NCOA2: variants seen among roughly 807,000 people sequenced by gnomAD.
NCOA2 encodes nuclear receptor coactivator 2.
A neutral mutation model predicts 145.1 loss-of-function variants in NCOA2; 21 were observed. That is an observed-to-expected ratio of 0.14 (90% CI 0.10 to 0.21). The LOEUF (loss-of-function observed/expected upper bound fraction) is 0.21, where lower values mean the gene tolerates loss of function less well. Among genes scored for constraint, NCOA2 ranks in the 10% least tolerant of loss-of-function variants. The pLI, the probability that NCOA2 is intolerant of heterozygous loss-of-function variation, is 1.00. For missense variants in NCOA2, 1,472 were observed against 1,837.6 expected, an observed-to-expected ratio of 0.80 and a Z score of 3.64; for synonymous variants, 619 against 637.5, an observed-to-expected ratio of 0.97 and a Z score of 0.44.
intron 1 of NCOA2, among the ~76,000 whole-genome samples, chr8:70,322,532 C>G (rs1269493760): frequency 6.6e-6 from 1 of 152,120 alleles, no homozygotes; most frequent in African/African-American, 2.4e-5. Flanking sequence ...ACAGTTCTTC[C>G]TCCAGTACCC....
chr8:70,411,230 T>C, the NCOA2 span, among the ~76,000 whole-genome samples: 2 of 152,156 alleles, frequency 1.3e-5, no homozygotes, highest in South Asian at 2.1e-4. Context: ...GCAAATAGTA[T>C]GCCCAGTATT....
At chr8:70,429,574 GT>G in the NCOA2 span, among the ~76,000 whole-genome samples, 2 of 152,122 alleles carry the variant, frequency 1.3e-5, no homozygotes, top group Non-Finnish European at 2.9e-5. Flanking sequence ...AGTTGTGATG[GT>G]TGTAAAGTCA....
At position 70,123,986 on chromosome 8, in the gene NCOA2, G is replaced by A; in HGVS notation, c.4191C>T (p.Asn1397=). The change falls in exon 21 of 23, where the codon AAC becomes AAT. Residue 1397 remains asparagine, a synonymous_variant. Coordinates refer to ENST00000452400, the MANE Select transcript of NCOA2 (RefSeq NM_006540.4). The part of the protein sequence containing the change: ...NMNINVSMAT[N]TGGMSSMNQM... ...GGTTCATGCTGCTCATGCCACCTGT[G>A]TTGGTCGCCATGGACACATTGATGT... 1.2e-6 allele frequency: 2 copies of A among 1,613,984 alleles called. No individual in the cohort carries two copies. The highest frequency in any genetic ancestry group is 2.2e-5 in the East Asian group (1 of 44,872).
intron 1 of NCOA2, among the ~76,000 whole-genome samples, chr8:70,304,597 C>T (rs1563743392): frequency 6.6e-6 from 1 of 151,952 alleles, no homozygotes; most frequent in Non-Finnish European, 1.5e-5. Flanking sequence ...TCCTGAGTGG[C>T]TAGGATTACA....
At chr8:70,252,369 G>C (rs1823262967) in intron 2 of NCOA2, among the ~76,000 whole-genome samples, 1 of 152,178 alleles carries the variant, frequency 6.6e-6, no homozygotes, top group Non-Finnish European at 1.5e-5. Flanking sequence ...GAGCCCAGGA[G>C]TTCAAGACCA....
chr8:70,143,402 G>A (rs1810680488), intron 13 of NCOA2, among the ~76,000 whole-genome samples: 2 of 152,092 alleles, frequency 1.3e-5, no homozygotes, highest in South Asian at 4.1e-4. Flanking sequence ...TATTCTGCTG[G>A]TAAGCCTTAA....
At chr8:70,336,963 A>G (rs1807653714) in intron 1 of NCOA2, among the ~76,000 whole-genome samples, 5 of 152,158 alleles carry the variant, frequency 3.3e-5, no homozygotes, top group South Asian at 2.1e-4. Flanking sequence ...GGGCACCACA[A>G]TGGAAAAAAG....
chr8:70,233,431 T>C (rs1435611464), intron 2 of NCOA2, among the ~76,000 whole-genome samples: 3 of 152,182 alleles, frequency 2.0e-5, no homozygotes, highest in Non-Finnish European at 4.4e-5. Context: ...ACCTTTCCAT[T>C]TTCAGTGTGC....
At chr8:70,295,762 T>C (rs1250623268) in intron 2 of NCOA2, among the ~76,000 whole-genome samples, 1 of 151,990 alleles carries the variant, frequency 6.6e-6, no homozygotes, top group Non-Finnish European at 1.5e-5. Context: ...GCCAATATGG[T>C]GAAACCCCGT....
At chr8:70,155,840 T>G (rs1812219663) in intron 11 of NCOA2, 131 bp downstream of exon 11, 1 of 746,082 alleles carries the variant, frequency 1.3e-6, no homozygotes, top group Non-Finnish European at 2.1e-6. Flanking sequence ...TCAGCGAGAT[T>G]TTCAAGATAA....
rs747085043 is a variant in NCOA2, at chr8:70,213,904, T to G, written c.258A>C (p.Gln86His). The G allele has an allele frequency of 3.2e-6, 5 of 1,584,146 alleles. No individual in the cohort carries two copies. In the Admixed American group the frequency reaches 9.4e-5, roughly 30 times the overall value. Residue 86 changes from glutamine (Q) to histidine (H), a missense_variant and splice_region_variant, in exon 4 of 23, where the codon CAA becomes CAC. By Grantham distance (24) the Gln-to-His change is conservative (BLOSUM62 0). Around this residue, in one of 4 missense-constraint regions of NCOA2, gnomAD observed 284 missense variants for 467.8 expected, o/e 0.61. Transcript: ENST00000452400. ...AAAATACTAATTCAGTCCTCTTACCTTGTTCTTTGATCTGACGAATTTGCT... is the reference window on the plus strand; with the variant it reads ...AAAATACTAATTCAGTCCTCTTACCGTGTTCTTTGATCTGACGAATTTGCT... ...TVKQIRQIKE[Q>H]EKAAAANIDE...
At chr8:70,117,780 C>T (rs1807317114) in intron 22 of NCOA2, among the ~76,000 whole-genome samples, 1 of 152,170 alleles carries the variant, frequency 6.6e-6, no homozygotes, top group Non-Finnish European at 1.5e-5. Context: ...AGTAGCTCTA[C>T]CAGACAGTTG....
chr8:70,304,623 G>A (rs1257674830), intron 1 of NCOA2, among the ~76,000 whole-genome samples: 1 of 151,728 alleles, frequency 6.6e-6, no homozygotes, highest in African/African-American at 2.4e-5. Context: ...CCGCCACCAT[G>A]CCCGGCTAAT....
At chr8:70,185,882 G>A (rs1414866607) in intron 4 of NCOA2, among the ~76,000 whole-genome samples, 1 of 152,176 alleles carries the variant, frequency 6.6e-6, no homozygotes, top group African/African-American at 2.4e-5. Flanking sequence ...ACTACAGGCA[G>A]AGTTTACCAT....
At chr8:70,367,098 C>T (rs1174295210) in intron 1 of NCOA2, among the ~76,000 whole-genome samples, 1 of 152,166 alleles carries the variant, frequency 6.6e-6, no homozygotes, top group East Asian at 1.9e-4. Flanking sequence ...TTACATACAA[C>T]CTTCAAAACA....
intron 2 of NCOA2, among the ~76,000 whole-genome samples, chr8:70,226,678 A>G (rs1563650111): frequency 6.7e-6 from 1 of 149,496 alleles, no homozygotes; most frequent in Non-Finnish European, 1.5e-5. Context: ...ATATATATAT[A>G]TAAAACTATA....
intron 1 of NCOA2, among the ~76,000 whole-genome samples, chr8:70,365,907 C>G (rs535173785): frequency 6.6e-6 from 1 of 152,138 alleles, no homozygotes; most frequent in East Asian, 1.9e-4. Context: ...AGAGCCAGGC[C>G]CTTAACAATC....
At chr8:70,405,291 G>T (rs1043841537), upstream of NCOA2, among the ~76,000 whole-genome samples, 10 of 152,124 alleles carry the variant, frequency 6.6e-5, no homozygotes, top group Non-Finnish European at 1.5e-5. Flanking sequence ...TTTGTGGATA[G>T]AAAATGCTTG....
At position 70,260,639 on chromosome 8, in the gene NCOA2, C is replaced by G. The variant is rs74592263; in HGVS notation, c.-20+36105G>C. ...GTTCAACTTCTAGTGTTAACTATCACAAGCACAATTATACAGTCAATTTAA... is the reference window on the plus strand; with the variant it reads ...GTTCAACTTCTAGTGTTAACTATCAGAAGCACAATTATACAGTCAATTTAA... On this transcript the variant is annotated intron_variant, in intron 2 of 22. Coordinates refer to ENST00000452400, the MANE Select transcript of NCOA2 (RefSeq NM_006540.4). Among the ~76,000 whole-genome samples the G allele has an allele frequency of 2.0e-5, 3 of 152,172 alleles. No individual in the cohort carries two copies. The South Asian group carries it at 6.2e-4, about 32-fold the overall frequency.
Sources: gnomAD v4.1 joint callset for allele counts (sites outside exome capture counted in the v4.1 genomes callset) on GRCh38, gnomAD v4.1.1 for gene constraint, gnomAD v4.1.1 regional missense constraint, MANE v1.5 for transcripts, NCBI Gene and HGNC (gene_info 2026-07-23, HGNC 2026-07-21) for gene names.